BCL9L: variants seen among roughly 807,000 people sequenced by gnomAD.
The protein encoded by BCL9L is BCL9 like, also known as B-cell CLL/lymphoma 9-like protein.
A neutral mutation model predicts 99.4 loss-of-function variants in BCL9L; 19 were observed. The observed-to-expected ratio is 0.19, with a 90% CI of 0.13 to 0.28. BCL9L has a LOEUF of 0.28. BCL9L is among the 10% of genes least tolerant of loss of function. The pLI is 1.00. For missense variants in BCL9L, 2,023 were observed against 2,101.6 expected, an observed-to-expected ratio of 0.96 and a Z score of 0.73; for synonymous variants, 900 against 854.8, an observed-to-expected ratio of 1.05 and a Z score of -0.92.
In BCL9L at chr11:118,898,534, C is replaced by A. The variant is rs766844579; in HGVS notation, c.4381G>T (p.Gly1461Cys). 78 of 1,601,170 alleles carry A rather than the reference C, an allele frequency of 4.9e-5. No individual in the cohort carries two copies. In the East Asian group the frequency reaches 1.7e-3, roughly 35 times the overall value. ...HMLSPQGSLM[G>C]PPPQQNLMVS... ...ATGAGGTTCTGCTGGGGCGGGGGGC[C>A]CATGAGGGAGCCCTGCGGGGAGAGC... Residue 1461 changes from glycine (G) to cysteine (C), a missense_variant, in exon 10 of 10, where the codon GGC becomes TGC. This residue lies in a region of BCL9L where 902 missense variants were observed against 888.2 expected (regional missense o/e 1.02). Coordinates refer to ENST00000683865, the MANE Select transcript of BCL9L (RefSeq NM_001378213.1).
intron 2 of BCL9L, among the ~76,000 whole-genome samples, chr11:118,917,797 ACTTCCTCACCCATC>A (rs1941008721): frequency 6.6e-6 from 1 of 151,918 alleles, no homozygotes; most frequent in Admixed American, 6.6e-5. Flanking sequence ...CCAGTCCGTT[ACTTCCTCACCCATC>A]CTTGTCCCTG....
rs1033583933 is a variant in BCL9L, at chr11:118,899,233, A to C, written c.3682T>G (p.Phe1228Val). The C allele has an allele frequency of 2.6e-6, 4 of 1,512,878 alleles. No individual in the cohort carries two copies. The highest frequency in any genetic ancestry group is 3.5e-6 in the Non-Finnish European group (4 of 1,131,980). 93.7% of individuals were successfully genotyped at this position (1,512,878 alleles called of 1,614,324 possible). ...PVPSSSQMMP[F>V]PPRLQQPHGA... Reference sequence around the variant, plus strand: ...TGGGGCTGCTGCAGCCGAGGGGGGAAGGGCATCATCTGGGAGGAGCTGGGC... The same window carrying C: ...TGGGGCTGCTGCAGCCGAGGGGGGACGGGCATCATCTGGGAGGAGCTGGGC... The change falls in exon 10 of 10, where the codon TTC becomes GTC. Residue 1228 changes from phenylalanine to valine, a missense_variant. By Grantham distance (50) the Phe-to-Val change is conservative. Coordinates refer to ENST00000683865, the MANE Select transcript of BCL9L (RefSeq NM_001378213.1).
rs559075052 is a variant in BCL9L at position 118,918,508 on chromosome 11, G to A, written c.-77+318C>T. ...CTCCTTGCCTCCCGCAGGGTGGGGC[G>A]GGTGGGGGGTGAGATCCGCTGAGAT... On this transcript the variant is annotated intron_variant, in intron 2 of 9. Transcript: ENST00000683865. 5.3e-5 allele frequency among the ~76,000 whole-genome samples: 8 copies of A among 151,962 alleles called. 1 individual carries two copies. In the South Asian group the frequency reaches 1.0e-3, roughly 20 times the overall value.
At chr11:118,910,237 C>T in intron 2 of BCL9L, 1 of 434,982 alleles carries the variant, frequency 2.3e-6, no homozygotes, top group South Asian at 3.0e-5. Flanking sequence ...CTCCAGCAAG[C>T]CTCCGCCCCG....
At chr11:118,911,937 A>G (rs1940810436) in intron 2 of BCL9L, among the ~76,000 whole-genome samples, 1 of 152,250 alleles carries the variant, frequency 6.6e-6, no homozygotes, top group Admixed American at 6.5e-5. Flanking sequence ...GGAAGGGGCT[A>G]TTAGAAAATC....
Position 118,902,023 on chromosome 11 carries a change from G to T in BCL9L, c.1720C>A (p.Pro574Thr). Residue 574 changes from proline to threonine, a missense_variant, in exon 8 of 10, where the codon CCT (proline) becomes ACT (threonine). Coordinates refer to ENST00000683865, the MANE Select transcript of BCL9L (RefSeq NM_001378213.1). The surrounding 1 kb of genome is among the most constrained non-coding windows in gnomAD (Gnocchi z 7.8). ...CCCCGCAGCTGCGCACCCATTCCAGGTGGCCACTGATCCCCAGGCTTGCTG... is the reference window on the plus strand; with the variant it reads ...CCCCGCAGCTGCGCACCCATTCCAGTTGGCCACTGATCCCCAGGCTTGCTG... Reference protein sequence around the residue: ...YHSKPGDQWPPGMGAQLRGPM... With the variant: ...YHSKPGDQWPTGMGAQLRGPM... The T allele has an allele frequency of 6.2e-7, 1 of 1,613,856 alleles. No homozygotes were observed. Among genetic ancestry groups the T allele is most frequent in the Non-Finnish European group, 8.5e-7 (1 of 1,179,984 alleles).
At chr11:118,907,113 G>A (rs1202806121) in intron 5 of BCL9L, among the ~76,000 whole-genome samples, 1 of 152,174 alleles carries the variant, frequency 6.6e-6, no homozygotes, top group African/African-American at 2.4e-5. Flanking sequence ...CCCAGGCTTA[G>A]CAGGGCTTTG....
rs150050130 is a variant in BCL9L at position 118,908,595 on chromosome 11, A to G, written c.87T>C (p.His29=). 5.0e-6 allele frequency: 8 copies of G among 1,613,436 alleles called. No individual in the cohort carries two copies. Among genetic ancestry groups the G allele is most frequent in the Non-Finnish European group, 6.8e-6 (8 of 1,179,876 alleles). Reference sequence around the variant, plus strand: ...TTGGCTTGGCTGGGGCAGGGGGGCAATGACCGCGGGGGGACAGCGGCGGGC... The same window carrying G: ...TTGGCTTGGCTGGGGCAGGGGGGCAGTGACCGCGGGGGGACAGCGGCGGGC... ...PGSPPLSPRG[H]CPPAPAKPMH... The change falls in exon 4 of 10, where the codon CAT becomes CAC. Residue 29 remains histidine (H), a synonymous_variant. Transcript: ENST00000683865.
At chr11:118,918,173 C>G (rs1008208565) in intron 2 of BCL9L, among the ~76,000 whole-genome samples, 8 of 152,212 alleles carry the variant, frequency 5.3e-5, no homozygotes, top group African/African-American at 1.9e-4. Context: ...TCCAGCTTTC[C>G]CTAGTCGAAC....
rs1332740691 is a variant in BCL9L, at chr11:118,922,414, C to T, written c.-131+2824G>A. Among the ~76,000 whole-genome samples the T allele has an allele frequency of 2.6e-5, 4 of 152,218 alleles. No individual in the cohort carries two copies. Among genetic ancestry groups the T allele is most frequent in the Admixed American group, 6.5e-5 (1 of 15,282 alleles). ...GCAGGAGCTCCCACCAGCCCCATCC[C>T]GGCTCCTCTGGCCAGTTAGAGCTTC... On this transcript the variant is annotated intron_variant, in intron 1 of 9. Coordinates refer to ENST00000683865, the MANE Select transcript of BCL9L (RefSeq NM_001378213.1). This position sits in a 1 kb window ranked among gnomAD's most constrained non-coding sequence, Gnocchi z 6.2.
chr11:118,909,281 G>C (rs897706314), intron 3 of BCL9L, among the ~76,000 whole-genome samples: 2 of 152,106 alleles, frequency 1.3e-5, no homozygotes, highest in African/African-American at 4.8e-5. Context: ...GGTGTGTCAA[G>C]CAGATGGGGA....
intron 9 of BCL9L, 104 bp from the exon 10 acceptor site, chr11:118,899,612 A>G (rs11217083): frequency 0.45 from 647,545 of 1,429,050 alleles, 151,826 homozygotes; most frequent in African/African-American, 0.72. Context: ...GCCAGAGGTC[A>G]AAGTCTTCAC....
intron 5 of BCL9L, among the ~76,000 whole-genome samples, chr11:118,905,512 CAAAAAAAAAAA>C (rs761526586): frequency 2.3e-4 from 9 of 38,578 alleles, no homozygotes; most frequent in Admixed American, 1.8e-3. Flanking sequence ...GACTCTGTCT[CAAAAAAAAAAA>C]AAAAAAAAAA....
chr11:118,898,907 G>A lies in BCL9L; in HGVS notation c.4008C>T (p.Ser1336=), dbSNP rs1390810675. 1 of 1,613,516 alleles carries A rather than the reference G, an allele frequency of 6.2e-7. No individual in the cohort carries two copies. The change falls in exon 10 of 10, where the codon AGC becomes AGT. Residue 1336 remains serine (S), a synonymous_variant. Transcript: ENST00000683865. The stretch of plus-strand genomic sequence containing the variant: ...TCTTGGGGAAGTACTGGAGGGTGCT[G>A]CTTGGCTTCTCAGAGGGGATGATCC... ...LSRIIPSEKP[S]STLQYFPKSE...
Position 118,907,567 on chromosome 11 carries a change from C to G in BCL9L, c.448G>C (p.Glu150Gln). The G allele has an allele frequency of 1.9e-6, 3 of 1,614,044 alleles. No homozygotes were observed. Among genetic ancestry groups the G allele is most frequent in the Non-Finnish European group, 2.5e-6 (3 of 1,180,034 alleles). Residue 150 changes from glutamate to glutamine, a missense_variant, in exon 5 of 10, where the codon GAG becomes CAG. Around this residue, in one of 3 missense-constraint regions of BCL9L, gnomAD observed 1,116 missense variants for 1,194.6 expected, o/e 0.93. Coordinates refer to ENST00000683865, the MANE Select transcript of BCL9L (RefSeq NM_001378213.1). ...APRSKRRCVL[E>Q]RKQPYSGDEW... ...TCCCCACTGTACGGCTGCTTCCGCT[C>G]CAGCACACAGCGCCGCTTACTCCGC...
intron 9 of BCL9L, 138 bp downstream of exon 9, chr11:118,899,779 G>A (rs894780979): frequency 6.2e-5 from 80 of 1,284,738 alleles, no homozygotes; most frequent in Non-Finnish European, 7.9e-5. Context: ...CCAGCGAGTG[G>A]GAACAGCATC....
intron 3 of BCL9L, among the ~76,000 whole-genome samples, chr11:118,909,126 C>T (rs563566203): frequency 1.3e-5 from 2 of 152,318 alleles, no homozygotes; most frequent in East Asian, 1.9e-4. Context: ...TGCACATGCC[C>T]GGGTCTCATT....
chr11:118,898,897 G>A lies in BCL9L; in HGVS notation c.4018C>T (p.Gln1340Ter). The change falls in exon 10 of 10, where the codon CAG becomes TAG. Residue 1340 changes from glutamine to a stop codon, truncating the protein, a stop_gained. Transcript: ENST00000683865. LOFTEE classifies it high-confidence loss of function. ...IPSEKPSSTLQYFPKSENQPP... is the reference protein window; with the variant it reads ...IPSEKPSSTL ...TGGTTCTCGCTCTTGGGGAAGTACT[G>A]GAGGGTGCTGCTTGGCTTCTCAGAG... is the stretch of plus-strand genomic sequence containing the variant. The A allele has an allele frequency of 6.2e-7, 1 of 1,613,858 alleles. No homozygotes were observed.
chr11:118,898,317 C>CCCCCCCCCCCCCCCCCCCA lies in BCL9L; in HGVS notation c.*97_*98insTGGGGGGGGGGGGGGGGGG. On this transcript the variant is annotated 3_prime_UTR_variant, in exon 10 of 10. Coordinates refer to ENST00000683865, the MANE Select transcript of BCL9L (RefSeq NM_001378213.1). ...AAGCCCCCTCCCACCCCCTCCACCC[C>CCCCCCCCCCCCCCCCCCCA]ACCCCGCGACCCAGGCCATCCCAAC... is the stretch of plus-strand genomic sequence containing the variant. 2.1e-6 allele frequency: 2 copies of CCCCCCCCCCCCCCCCCCCA among 949,848 alleles called. No homozygotes were observed. The highest frequency in any genetic ancestry group is 2.9e-6 in the Non-Finnish European group (2 of 683,752). The allele number at this position is 949,848 out of a possible 1,614,324, so 58.8% of individuals were successfully genotyped here.
Sources: allele counts gnomAD v4.1 joint callset (sites outside exome capture counted in the v4.1 genomes callset), GRCh38; gene constraint gnomAD v4.1.1; regional missense constraint gnomAD v4.1.1; non-coding constraint Gnocchi (gnomAD v3.1); transcripts MANE v1.5; gene names NCBI Gene and HGNC (gene_info 2026-07-23, HGNC 2026-07-21).